The following RFT1 variants were observed in gnomAD, a reference collection of about 807,000 sequenced individuals.
RFT1 encodes RFT1 glycolipid translocator homolog, also known as man(5)GlcNAc(2)-PP-dolichol translocation protein RFT1.
Under a neutral mutation model 62.2 loss-of-function variants are expected in RFT1, and 43 were observed. The observed-to-expected ratio is 0.69, with a 90% CI of 0.54 to 0.89. RFT1 has a LOEUF of 0.89. Among genes scored for constraint, RFT1 ranks in the 40% least tolerant of loss-of-function variants. The pLI is 0.00. For synonymous variants in RFT1, 262 were observed against 264.6 expected (o/e 0.99, Z 0.10); for missense variants, 605 against 649.9 (o/e 0.93, Z 0.75).
At chr3:53,069,913 T>C in the RFT1 span, among the ~76,000 whole-genome samples, 1 of 152,108 alleles carries the variant, frequency 6.6e-6, no homozygotes, top group Admixed American at 6.5e-5. Flanking sequence ...AGGAGGGAAA[T>C]GTTTGGCTTT....
the RFT1 span, among the ~76,000 whole-genome samples, chr3:53,068,104 G>C: frequency 6.6e-6 from 1 of 152,222 alleles, no homozygotes; most frequent in Non-Finnish European, 1.5e-5. Context: ...GCTGGAGGAA[G>C]TCAGCCCAAC....
At chr3:53,092,340 A>C (rs1437099278) in intron 12 of RFT1, 29 bp downstream of exon 12, 2 of 1,586,308 alleles carry the variant, frequency 1.3e-6, no homozygotes, top group Admixed American at 1.8e-5. Flanking sequence ...CTGCAGAAGC[A>C]TGTGGCATGA....
intron 6 of RFT1, among the ~76,000 whole-genome samples, chr3:53,119,455 G>A (rs1197873940): frequency 2.6e-5 from 4 of 152,204 alleles, no homozygotes; most frequent in Admixed American, 6.5e-5. Context: ...GAAACAGACA[G>A]TGTCAGCCTT....
At chr3:53,068,935 TTTG>T in the RFT1 span, among the ~76,000 whole-genome samples, 3 of 152,170 alleles carry the variant, frequency 2.0e-5, no homozygotes, top group Admixed American at 2.0e-4. Context: ...TCGGTGACAT[TTTG>T]TTGTTTGTTT....
chr3:53,115,244 A>G (rs1701759370), intron 6 of RFT1, among the ~76,000 whole-genome samples: 1 of 152,138 alleles, frequency 6.6e-6, no homozygotes, highest in African/African-American at 2.4e-5. Flanking sequence ...ATTAGTGTAA[A>G]TGTCGCCGTG....
chr3:53,108,445 A>C (rs1223981140), intron 7 of RFT1, among the ~76,000 whole-genome samples: 2 of 145,642 alleles, frequency 1.4e-5, no homozygotes, highest in African/African-American at 5.2e-5. Context: ...ACTGGAGTGC[A>C]GTGGCACGAT....
intron 10 of RFT1, among the ~76,000 whole-genome samples, chr3:53,100,527 CAACAGAAGAAAG>C (rs1269747838): frequency 6.6e-6 from 1 of 152,122 alleles, no homozygotes; most frequent in Admixed American, 6.5e-5. Flanking sequence ...AACTGACCAT[CAACAGAAGAAAG>C]AATAAACAAA....
At chr3:53,078,956 A>C in the RFT1 span, among the ~76,000 whole-genome samples, 1 of 152,218 alleles carries the variant, frequency 6.6e-6, no homozygotes, top group African/African-American at 2.4e-5. Context: ...AGATGGAGAA[A>C]AGGCAAAGCT....
chr3:53,107,428 C>T (rs372776690), intron 7 of RFT1, among the ~76,000 whole-genome samples: 11 of 152,008 alleles, frequency 7.2e-5, no homozygotes, highest in Non-Finnish European at 1.5e-4. Flanking sequence ...TAAGCCACCA[C>T]GCCCAGCCCT....
chr3:53,067,814 G>C, the RFT1 span, among the ~76,000 whole-genome samples: 1 of 152,324 alleles, frequency 6.6e-6, no homozygotes, highest in South Asian at 2.1e-4. Flanking sequence ...CTCCTGGTCA[G>C]TGATAATGGG....
Position 53,123,835 on chromosome 3 carries a change from G to T in RFT1, c.155C>A (p.Thr52Lys), listed in dbSNP as rs764531159. The stretch of plus-strand genomic sequence containing the variant: ...GAAGAGGGTGGTTGAGTAAAGCAGC[G>T]TTAGTCTGTAAATGAAAGGGAGAAA... ...EIVGVVNVRL[T>K]LLYSTTLFLA... The change falls in exon 3 of 13, where the codon ACG becomes AAG. Residue 52 changes from threonine (T) to lysine (K), a missense_variant. Transcript: ENST00000296292. The T allele has an allele frequency of 6.2e-7, 1 of 1,612,916 alleles. No homozygotes were observed. Among genetic ancestry groups the T allele is most frequent in the African/African-American group, 1.3e-5 (1 of 74,920 alleles).
At chr3:53,073,340 G>T in the RFT1 span, among the ~76,000 whole-genome samples, 1 of 152,208 alleles carries the variant, frequency 6.6e-6, no homozygotes, top group Admixed American at 6.5e-5. Context: ...TGACACAAAA[G>T]GGGCTTTGCC....
chr3:53,105,806 A>G lies in RFT1; in HGVS notation c.827-3T>C, dbSNP rs1308573129. On this transcript the variant is annotated splice_region_variant and splice_polypyrimidine_tract_variant and intron_variant, in intron 8 of 12. Transcript: ENST00000296292. The stretch of plus-strand genomic sequence containing the variant: ...ATTATTCACTATATCATACACACCT[A>G]CAAAACAAAAAAGAAGAAACAACAA... 2 of 1,612,072 alleles carry G rather than the reference A, an allele frequency of 1.2e-6. No individual in the cohort carries two copies. Among genetic ancestry groups the G allele is most frequent in the South Asian group, 2.2e-5 (2 of 90,608 alleles).
chr3:53,104,710 C>T (rs1701416755), intron 9 of RFT1, among the ~76,000 whole-genome samples: 1 of 152,198 alleles, frequency 6.6e-6, no homozygotes, highest in Non-Finnish European at 1.5e-5. Flanking sequence ...CTGTATTTTA[C>T]TAAATTTCTT....
chr3:53,099,507 G>T (rs62255932), intron 10 of RFT1, 21 bp from the exon 11 acceptor site: 1 of 1,595,536 alleles, frequency 6.3e-7, no homozygotes. Flanking sequence ...ACAACTCACT[G>T]AGACTCCAGA....
Position 53,121,730 on chromosome 3 carries a change from T to C in RFT1, c.527A>G (p.His176Arg). 1.9e-6 allele frequency: 3 copies of C among 1,614,042 alleles called. No individual in the cohort carries two copies. Among genetic ancestry groups the C allele is most frequent in the Non-Finnish European group, 2.5e-6 (3 of 1,179,954 alleles). The change falls in exon 5 of 13, where the codon CAC (histidine) becomes CGC (arginine). Residue 176 changes from histidine (H) to arginine (R), a missense_variant. By Grantham distance (29) the His-to-Arg change is conservative. Transcript: ENST00000296292. ...LTAFLVLWLPHWGLYIFSLAQ... is the reference protein window; with the variant it reads ...LTAFLVLWLPRWGLYIFSLAQ... ...CAAAGAGAAAATGTACAATCCCCAG[T>C]GAGGCAACCACAGCACGAGAAAAGC...
At chr3:53,079,092 G>T in the RFT1 span, among the ~76,000 whole-genome samples, 1 of 152,226 alleles carries the variant, frequency 6.6e-6, no homozygotes, top group Admixed American at 6.5e-5. Context: ...TGGGGATGTG[G>T]TAAAACATCA....
At position 53,125,910 on chromosome 3, in the gene RFT1, T is replaced by A. The variant is rs2107173109; in HGVS notation, c.148A>T (p.Arg50Ter). The A allele has an allele frequency of 1.2e-6, 2 of 1,612,756 alleles. No homozygotes were observed. Among genetic ancestry groups the A allele is most frequent in the Non-Finnish European group, 1.7e-6 (2 of 1,179,006 alleles). Residue 50 changes from arginine to a stop codon, truncating the protein, a stop_gained and splice_region_variant, in exon 2 of 13, where the codon AGA becomes TGA. Coordinates refer to ENST00000296292, the MANE Select transcript of RFT1 (RefSeq NM_052859.4). LOFTEE classifies it high-confidence loss of function. ...SKEIVGVVNV[R>*]LTLLYSTTLF... ...GTGCCAGGGTGCATCTCCTCCTACC[T>A]TACATTTACTACGCCAACGATTTCC...
At position 53,119,873 on chromosome 3, in the gene RFT1, G is replaced by T; in HGVS notation, c.696+11C>A. The T allele has an allele frequency of 6.2e-7, 1 of 1,600,410 alleles. No individual in the cohort carries two copies. The highest frequency in any genetic ancestry group is 8.5e-7 in the Non-Finnish European group (1 of 1,170,470). On this transcript the variant is annotated intron_variant, in intron 6 of 12. Coordinates refer to ENST00000296292, the MANE Select transcript of RFT1 (RefSeq NM_052859.4). The stretch of plus-strand genomic sequence containing the variant: ...GATTAAAATGATAAGAGATAAAAAT[G>T]TATTACTTACTCCATTTCTTGTAAT...
Sources: allele counts gnomAD v4.1 joint callset (sites outside exome capture counted in the v4.1 genomes callset), GRCh38; gene constraint gnomAD v4.1.1; transcripts MANE v1.5; gene names NCBI Gene and HGNC (gene_info 2026-07-23, HGNC 2026-07-21).